STRADA: variants seen among roughly 807,000 people sequenced by gnomAD.
The protein encoded by STRADA is STE20 related adaptor alpha.
STRADA carries 26 observed loss-of-function variants against 55.0 expected under a neutral mutation model. The ratio of observed to expected loss-of-function variants is 0.47; its 90% CI spans 0.35 to 0.66. The LOEUF (loss-of-function observed/expected upper bound fraction) is 0.66, where lower values mean the gene tolerates loss of function less well. Among genes scored for constraint, STRADA ranks in the 30% least tolerant of loss-of-function variants. The pLI, the probability that STRADA is intolerant of heterozygous loss-of-function variation, is 0.01. For missense variants in STRADA, 443 were observed against 549.7 expected (o/e 0.81, Z 1.94); for synonymous variants, 197 against 210.9 (o/e 0.93, Z 0.57).
At chr17:63,739,929 G>A (rs1287814616) in intron 1 of STRADA, among the ~76,000 whole-genome samples, 1 of 146,534 alleles carries the variant, frequency 6.8e-6, no homozygotes, top group Non-Finnish European at 1.5e-5. Context: ...AGAGCGAGGA[G>A]TGACTGGCTC....
intron 8 of STRADA, among the ~76,000 whole-genome samples, chr17:63,707,966 C>T (rs1280482659): frequency 1.3e-5 from 2 of 151,436 alleles, no homozygotes; most frequent in Admixed American, 6.6e-5. Flanking sequence ...CTCGATCTCC[C>T]GACCTCGTGA....
intron 1 of STRADA, among the ~76,000 whole-genome samples, chr17:63,739,382 T>C (rs924740751): frequency 3.3e-5 from 5 of 152,030 alleles, no homozygotes; most frequent in African/African-American, 9.7e-5. Context: ...GATTGAATCA[T>C]GTACAGATGA....
intron 9 of STRADA, 118 bp downstream of exon 9, chr17:63,707,129 T>C: frequency 7.4e-7 from 1 of 1,345,394 alleles, no homozygotes; most frequent in South Asian, 1.3e-5. Context: ...GCTCCCTCCC[T>C]CCAGGAACCC....
At chr17:63,729,463 T>C (rs1473486959) in intron 1 of STRADA, among the ~76,000 whole-genome samples, 2 of 152,056 alleles carry the variant, frequency 1.3e-5, no homozygotes, top group East Asian at 3.9e-4. Context: ...ACTATGCAAA[T>C]ATGGTTCAGA....
intron 4 of STRADA, 137 bp downstream of exon 4, chr17:63,723,161 C>G (rs768660517): frequency 1.8e-6 from 2 of 1,105,388 alleles, no homozygotes; most frequent in Non-Finnish European, 2.7e-6. Flanking sequence ...TCCACAAGTA[C>G]AAAAATCACA....
intron 4 of STRADA, among the ~76,000 whole-genome samples, chr17:63,717,779 T>C (rs2059796246): frequency 6.6e-6 from 1 of 151,654 alleles, no homozygotes; most frequent in Non-Finnish European, 1.5e-5. Flanking sequence ...GCCCAGCTAA[T>C]TTTTGTATTT....
intron 1 of STRADA, among the ~76,000 whole-genome samples, chr17:63,730,088 G>A (rs1292526564): frequency 3.3e-5 from 5 of 151,834 alleles, no homozygotes; most frequent in Admixed American, 3.3e-4. Context: ...CACCCGCCTC[G>A]GCCTCCCAAA....
At chr17:63,713,103 G>A (rs1296458625) in intron 6 of STRADA, among the ~76,000 whole-genome samples, 1 of 152,102 alleles carries the variant, frequency 6.6e-6, no homozygotes, top group Non-Finnish European at 1.5e-5. Context: ...CTTGTGTCTG[G>A]AACAAGATGG....
rs962824991 is a variant in STRADA at position 63,717,673 on chromosome 17, C to T, written c.124-3565G>A. Among the ~76,000 whole-genome samples, 5 of 152,252 alleles carry T rather than the reference C, an allele frequency of 3.3e-5. No homozygotes were observed. The South Asian group carries it at 8.3e-4, about 25-fold the overall frequency. ...TGTATTTTTAGTAGAGACAGGGTTT[C>T]ACCATGTTGGCCAGATTGGTCTCGA... On this transcript the variant is annotated intron_variant, in intron 4 of 12. Coordinates refer to ENST00000336174, the MANE Select transcript of STRADA (RefSeq NM_001003787.4).
At chr17:63,706,417 G>C (rs2036094009) in intron 10 of STRADA, 1 of 511,402 alleles carries the variant, frequency 2.0e-6, no homozygotes, top group Admixed American at 3.5e-5. Flanking sequence ...CTGCTCCCGG[G>C]CTCCCCTCCC....
rs189657545 is a variant in STRADA at position 63,720,570 on chromosome 17, T to G, written c.123+2728A>C. ...CAGGCGGATCACAAGGTCAGGAGAT[T>G]GAGACCATCCTGGCCAACACAGTGA... On this transcript the variant is annotated intron_variant, in intron 4 of 12. Transcript: ENST00000336174. Among the ~76,000 whole-genome samples, 742 of 150,586 alleles carry G rather than the reference T, an allele frequency of 4.9e-3. 7 individuals carry two copies. The highest frequency in any genetic ancestry group is 0.017 in the African/African-American group (717 of 41,058).
intron 6 of STRADA, 35 bp downstream of exon 6, chr17:63,713,371 C>A: frequency 1.2e-6 from 2 of 1,604,650 alleles, no homozygotes; most frequent in East Asian, 2.2e-5. Flanking sequence ...CAAGAGCCCA[C>A]CCTCCCTCCA....
chr17:63,706,844 C>T (rs998140123), intron 9 of STRADA, 105 bp from the exon 10 acceptor site: 10 of 838,288 alleles, frequency 1.2e-5, no homozygotes, highest in Non-Finnish European at 2.0e-5. Context: ...ACATCAGGAC[C>T]TGCTGCTAAT....
intron 9 of STRADA, 90 bp downstream of exon 9, chr17:63,707,157 G>C (rs571939947): frequency 6.5e-7 from 1 of 1,542,978 alleles, no homozygotes; most frequent in East Asian, 2.3e-5. Context: ...CCACTGGGAG[G>C]TTGAGAGCCC....
At chr17:63,737,618 G>C (rs2038547214) in intron 1 of STRADA, among the ~76,000 whole-genome samples, 1 of 152,168 alleles carries the variant, frequency 6.6e-6, no homozygotes, top group African/African-American at 2.4e-5. Context: ...AGTTAATACT[G>C]AAAGTTGATA....
intron 4 of STRADA, 198 bp from the exon 5 acceptor site, chr17:63,714,306 T>A (rs1243288722): frequency 1.8e-6 from 1 of 546,696 alleles, no homozygotes; most frequent in African/African-American, 1.9e-5. Context: ...AGAGCAAGTG[T>A]TAGGGTTGTC....
intron 6 of STRADA, among the ~76,000 whole-genome samples, chr17:63,711,438 C>T (rs1239299020): frequency 6.6e-6 from 1 of 152,200 alleles, no homozygotes; most frequent in East Asian, 1.9e-4. Context: ...GCAGCCTGAA[C>T]TTCCCAGGCT....
At chr17:63,713,606 C>G (rs2036653456) in intron 5 of STRADA, 79 bp from the exon 6 acceptor site, 1 of 1,543,718 alleles carries the variant, frequency 6.5e-7, no homozygotes, top group African/African-American at 1.4e-5. Flanking sequence ...AAAAAAGGGA[C>G]TTGATTTCAA....
At chr17:63,719,486 CTTT>C (rs1342178523) in intron 4 of STRADA, among the ~76,000 whole-genome samples, 3 of 144,718 alleles carry the variant, frequency 2.1e-5, no homozygotes, top group Non-Finnish European at 1.5e-5. Context: ...ATAGATACTA[CTTT>C]TTTTTTTTTT....
Sources: gnomAD v4.1 joint callset for allele counts (sites outside exome capture counted in the v4.1 genomes callset) on GRCh38, gnomAD v4.1.1 for gene constraint, MANE v1.5 for transcripts, NCBI Gene and HGNC (gene_info 2026-07-23, HGNC 2026-07-21) for gene names.